Variants in LINS1 observed in about 807,000 individuals in gnomAD.
The protein encoded by LINS1 is lines homolog 1.
Under a neutral mutation model 41.6 loss-of-function variants are expected in LINS1, and 27 were observed. The observed-to-expected ratio is 0.65, with a 90% CI of 0.48 to 0.89. LINS1 has a LOEUF of 0.89. LINS1 is among the 40% of genes least tolerant of loss of function. The pLI, the probability that LINS1 is intolerant of heterozygous loss-of-function variation, is 0.00. For synonymous variants in LINS1, 336 were observed against 312.9 expected, an observed-to-expected ratio of 1.07 and a Z score of -0.78; for missense variants, 955 against 884.1, an observed-to-expected ratio of 1.08 and a Z score of -1.02.
At chr15:100,594,376 G>A (rs8032962) in intron 1 of LINS1, among the ~76,000 whole-genome samples, 19,160 of 152,106 alleles carry the variant, frequency 0.13, 1,423 homozygotes, top group East Asian at 0.27. Context: ...TTTGATTTTG[G>A]TTAATGATCA....
In LINS1 at chr15:100,573,903, T is replaced by A. The variant is rs1339014299; in HGVS notation, c.970A>T (p.Met324Leu). The A allele has an allele frequency of 1.2e-6, 2 of 1,614,228 alleles. No individual in the cohort carries two copies. The highest frequency in any genetic ancestry group is 8.5e-7 in the Non-Finnish European group (1 of 1,180,034). ...DLCRGSVPAL[M>L]PPDHHVAVDM... is the part of the protein sequence containing the mutation. ...ACCGCTACATGATGGTCTGGCGGCATTAAGGCAGGCACAGATCCACGACAG... is the reference window on the plus strand; with the variant it reads ...ACCGCTACATGATGGTCTGGCGGCAATAAGGCAGGCACAGATCCACGACAG... The change falls in exon 5 of 7, where the codon ATG becomes TTG. Residue 324 changes from methionine (M) to leucine (L), a missense_variant. Coordinates refer to ENST00000314742, the MANE Select transcript of LINS1 (RefSeq NM_001040616.3).
intron 1 of LINS1, among the ~76,000 whole-genome samples, chr15:100,601,441 C>G (rs1223156325): frequency 6.6e-6 from 1 of 152,160 alleles, no homozygotes; most frequent in Non-Finnish European, 1.5e-5. Flanking sequence ...CTCGTGAAGA[C>G]AGAACCCTCA....
At chr15:100,585,397 T>G (rs1247361569) in intron 1 of LINS1, among the ~76,000 whole-genome samples, 1 of 152,324 alleles carries the variant, frequency 6.6e-6, no homozygotes, top group East Asian at 1.9e-4. Context: ...GGGATGGTGT[T>G]GCATGCATCC....
rs960370094 is a variant in LINS1, at chr15:100,580,568, T to C, written c.275A>G (p.Gln92Arg). 1.9e-6 allele frequency: 3 copies of C among 1,614,080 alleles called. No individual in the cohort carries two copies. Among genetic ancestry groups the C allele is most frequent in the Non-Finnish European group, 1.7e-6 (2 of 1,179,976 alleles). The part of the protein sequence containing the change: ...MSGSREVMLL[Q>R]LTVIKVMTTR... ...TGTCATCACTTTGATCACTGTTAACTGAAGGAGCATTACTTCTCTGGAACC... is the reference window on the plus strand; with the variant it reads ...TGTCATCACTTTGATCACTGTTAACCGAAGGAGCATTACTTCTCTGGAACC... The change falls in exon 2 of 7, where the codon CAG becomes CGG. Residue 92 changes from glutamine (Q) to arginine (R), a missense_variant. Coordinates refer to ENST00000314742, the MANE Select transcript of LINS1 (RefSeq NM_001040616.3).
chr15:100,595,786 C>A (rs1179660849), intron 1 of LINS1, among the ~76,000 whole-genome samples: 3 of 152,186 alleles, frequency 2.0e-5, no homozygotes, highest in Non-Finnish European at 2.9e-5. Flanking sequence ...TGGTTCAAAT[C>A]TGACCACAGC....
rs369380713 is a variant in LINS1 at position 100,568,026 on chromosome 15, C to T, written c.*1212G>A. 55 of 152,146 alleles carry T rather than the reference C, an allele frequency of 3.6e-4. 1 individual carries two copies. In the East Asian group the frequency reaches 7.0e-3, roughly 19 times the overall value. The allele number at this position is 152,146 out of a possible 1,614,324, so 9.4% of individuals were successfully genotyped here. A position where few individuals can be genotyped will look rare whatever the true frequency, so the allele number is the denominator to read the frequency against. ...TTTAGACTGCCTTAATGCCAGACTT[C>T]GCAGCACAATATAGCTATTGCTCCT... is the stretch of plus-strand genomic sequence containing the variant. On this transcript the variant is annotated 3_prime_UTR_variant, in exon 7 of 7. Coordinates refer to ENST00000314742, the MANE Select transcript of LINS1 (RefSeq NM_001040616.3).
chr15:100,572,099 T>C (rs376555993), intron 5 of LINS1, 34 bp from the exon 6 acceptor site: 7 of 1,612,362 alleles, frequency 4.3e-6, no homozygotes, highest in African/African-American at 2.7e-5. Context: ...GTGTAGGCAA[T>C]AGTTTATGAA....
chr15:100,601,851 G>C (rs1405447399), intron 1 of LINS1, among the ~76,000 whole-genome samples: 2 of 152,046 alleles, frequency 1.3e-5, no homozygotes, highest in East Asian at 3.9e-4. Flanking sequence ...TCCTTGGATC[G>C]TCATCGCTAT....
At chr15:100,587,284 A>G (rs925064570) in intron 1 of LINS1, among the ~76,000 whole-genome samples, 2 of 151,454 alleles carry the variant, frequency 1.3e-5, no homozygotes, top group African/African-American at 4.9e-5. Flanking sequence ...CACTATGTCT[A>G]CTGTTTTGCA....
chr15:100,599,915 A>G (rs2039406538), intron 1 of LINS1, among the ~76,000 whole-genome samples: 1 of 151,982 alleles, frequency 6.6e-6, no homozygotes, highest in South Asian at 2.1e-4. Context: ...AAAATACAAA[A>G]ATTAGCTGGG....
chr15:100,574,319 T>C, intron 4 of LINS1, 78 bp from the exon 5 acceptor site: 1 of 949,476 alleles, frequency 1.1e-6, no homozygotes, highest in South Asian at 1.4e-5. Flanking sequence ...TTTTTATAAA[T>C]ATCACTTTTT....
intron 1 of LINS1, among the ~76,000 whole-genome samples, chr15:100,581,474 T>C (rs1341528119): frequency 6.6e-6 from 1 of 152,180 alleles, no homozygotes; most frequent in African/African-American, 2.4e-5. Flanking sequence ...CTCCAATTTA[T>C]AGATAAAAAT....
intron 3 of LINS1, among the ~76,000 whole-genome samples, chr15:100,576,241 T>C (rs899606828): frequency 2.6e-5 from 4 of 152,138 alleles, no homozygotes; most frequent in African/African-American, 9.7e-5. Flanking sequence ...CAGGAGCTGG[T>C]TTTTTGAAAA....
At chr15:100,572,106 T>A (rs754422348) in intron 5 of LINS1, 41 bp from the exon 6 acceptor site, 67 of 1,609,280 alleles carry the variant, frequency 4.2e-5, no homozygotes, top group Non-Finnish European at 5.3e-5. Context: ...CAATAGTTTA[T>A]GAATGAATGA....
chr15:100,589,195 G>A (rs2038931397), intron 1 of LINS1, among the ~76,000 whole-genome samples: 4 of 152,212 alleles, frequency 2.6e-5, no homozygotes, highest in African/African-American at 4.8e-5. Context: ...TGTAAGAAAA[G>A]TGAAAGGTGT....
chr15:100,573,279 G>A (rs993705148), intron 5 of LINS1: 1 of 698,898 alleles, frequency 1.4e-6, no homozygotes, highest in Admixed American at 5.3e-5. Flanking sequence ...GGTCAGGGCT[G>A]CAGTGGGCCA....
At chr15:100,592,079 T>C (rs1038808090) in intron 1 of LINS1, among the ~76,000 whole-genome samples, 1 of 152,226 alleles carries the variant, frequency 6.6e-6, no homozygotes, top group African/African-American at 2.4e-5. Flanking sequence ...CTTCACCCTC[T>C]TCATTTACAT....
chr15:100,570,191 C>T, intron 6 of LINS1, 74 bp from the exon 7 acceptor site: 2 of 1,217,250 alleles, frequency 1.6e-6, no homozygotes, highest in Non-Finnish European at 2.3e-6. Flanking sequence ...ATATAATTCA[C>T]ATACCATAAA....
chr15:100,596,069 A>G (rs2039230840), intron 1 of LINS1, among the ~76,000 whole-genome samples: 2 of 152,196 alleles, frequency 1.3e-5, no homozygotes, highest in Non-Finnish European at 2.9e-5. Context: ...CTGTGCCCCA[A>G]CAGACTCCAG....
Sources: gnomAD v4.1 joint callset for allele counts (sites outside exome capture counted in the v4.1 genomes callset) on GRCh38, gnomAD v4.1.1 for gene constraint, MANE v1.5 for transcripts, NCBI Gene and HGNC (gene_info 2026-07-23, HGNC 2026-07-21) for gene names.